Variants in PPM1H observed in about 807,000 individuals in gnomAD.
The protein encoded by PPM1H is protein phosphatase 1H.
A neutral mutation model predicts 54.9 loss-of-function variants in PPM1H; 27 were observed. The ratio of observed to expected loss-of-function variants is 0.49; its 90% confidence interval spans 0.36 to 0.68. The LOEUF is 0.68. Ranked by LOEUF, PPM1H falls within the 30% of genes least tolerant of loss-of-function variation. The probability of loss-of-function intolerance (pLI) is 0.00; values close to 1 mark genes in which losing one functional copy is unlikely to be tolerated. For missense variants in PPM1H, 596 were observed against 667.8 expected (o/e 0.89, Z 1.19); for synonymous variants, 305 against 270.8 (o/e 1.13, Z -1.24).
intron 3 of PPM1H, among the ~76,000 whole-genome samples, chr12:62,798,389 G>A (rs750941237): frequency 3.9e-5 from 6 of 152,274 alleles, no homozygotes; most frequent in South Asian, 2.1e-4. Flanking sequence ...ATCTGCTTAG[G>A]AACAAAAGGA....
chr12:62,903,654 C>T (rs771807596), intron 1 of PPM1H, among the ~76,000 whole-genome samples: 8 of 151,846 alleles, frequency 5.3e-5, no homozygotes, highest in South Asian at 2.1e-4. Context: ...ACATAAGACA[C>T]GAATAATCAA....
chr12:62,846,505 A>AG (rs1868974248), intron 1 of PPM1H, among the ~76,000 whole-genome samples: 1 of 151,358 alleles, frequency 6.6e-6, no homozygotes, highest in African/African-American at 2.4e-5. Context: ...GCCTCAAAAA[A>AG]AAAAAAATTT....
At position 62,839,890 on chromosome 12, in the gene PPM1H, A is replaced by C. The variant is rs547091126; in HGVS notation, c.246-7611T>G. On this transcript the variant is annotated intron_variant, in intron 1 of 9. Transcript: ENST00000228705. Reference sequence around the variant, plus strand: ...CTGTTTCTACAAAAAAAAAAAAAAAACACCCAGTGTGGTGGCACGTGCCTA... The same window carrying C: ...CTGTTTCTACAAAAAAAAAAAAAAACCACCCAGTGTGGTGGCACGTGCCTA... 5.1e-3 allele frequency among the ~76,000 whole-genome samples: 717 copies of C among 141,196 alleles called. 6 individuals carry two copies. Among genetic ancestry groups the C allele is most frequent in the Middle Eastern group, 0.016 (4 of 256 alleles). The allele number at this position is 141,196 out of a possible 152,430, so 92.6% of individuals were successfully genotyped here. A position where few individuals can be genotyped will look rare whatever the true frequency, so the allele number is the denominator to read the frequency against.
chr12:62,904,241 A>AT (rs888648209), intron 1 of PPM1H, among the ~76,000 whole-genome samples: 17 of 148,924 alleles, frequency 1.1e-4, no homozygotes, highest in Middle Eastern at 3.4e-3. Context: ...TTCTTCATAA[A>AT]TTTTTTTTTT....
intron 4 of PPM1H, among the ~76,000 whole-genome samples, chr12:62,776,871 C>T (rs1260905763): frequency 6.6e-6 from 1 of 152,198 alleles, no homozygotes; most frequent in Non-Finnish European, 1.5e-5. Context: ...TCAGTTAACT[C>T]CTTGAAGCAA....
At chr12:62,903,493 T>A (rs562839266) in intron 1 of PPM1H, among the ~76,000 whole-genome samples, 46 of 152,330 alleles carry the variant, frequency 3.0e-4, no homozygotes, top group African/African-American at 9.9e-4. Context: ...ATAACAATGA[T>A]GAATAAAATT....
chr12:62,927,617 G>A lies in PPM1H; in HGVS notation c.245+6875C>T, dbSNP rs536886702. Among the ~76,000 whole-genome samples the A allele has an allele frequency of 3.6e-3, 540 of 149,884 alleles. 3 individuals carry two copies. Among genetic ancestry groups the A allele is most frequent in the Non-Finnish European group, 5.6e-3 (380 of 67,608 alleles). On this transcript the variant is annotated intron_variant, in intron 1 of 9. Coordinates refer to ENST00000228705, the MANE Select transcript of PPM1H (RefSeq NM_020700.2). ...GCAGAGGTTGCAGTAAGCCGAGATC[G>A]TACCACTGCACTCCAGCCTGGGCAA...
intron 1 of PPM1H, among the ~76,000 whole-genome samples, chr12:62,913,148 A>G (rs940975285): frequency 1.3e-5 from 2 of 152,188 alleles, no homozygotes; most frequent in African/African-American, 4.8e-5. Context: ...GTTAATGAAG[A>G]TGGGGAAGAA....
At chr12:62,838,812 T>A (rs937626616) in intron 1 of PPM1H, among the ~76,000 whole-genome samples, 1 of 124,724 alleles carries the variant, frequency 8.0e-6, no homozygotes, top group African/African-American at 3.5e-5. Flanking sequence ...TCCCAGCTAC[T>A]CGGGAGGCTG....
chr12:62,754,120 G>A (rs1221301707), intron 4 of PPM1H, among the ~76,000 whole-genome samples: 1 of 152,214 alleles, frequency 6.6e-6, no homozygotes, highest in Non-Finnish European at 1.5e-5. Context: ...CAAAAATGAG[G>A]CTGTCACAGT....
chr12:62,787,844 A>C (rs1056419660), intron 4 of PPM1H, among the ~76,000 whole-genome samples: 2 of 152,178 alleles, frequency 1.3e-5, no homozygotes, highest in African/African-American at 4.8e-5. Flanking sequence ...GTGCAAAGTC[A>C]CTAAGTAAAA....
rs1320034644 is a variant in PPM1H, at chr12:62,820,840, C to A, written c.411+11274G>T. The stretch of plus-strand genomic sequence containing the variant: ...AACCAGAGCAGAAAAGCTGAAAATT[C>A]TAAAAACCAGAGCACCTCTTCTCCT... On this transcript the variant is annotated intron_variant, in intron 2 of 9. Transcript: ENST00000228705. Among the ~76,000 whole-genome samples, 3 of 152,160 alleles carry A rather than the reference C, an allele frequency of 2.0e-5. No homozygotes were observed. The South Asian group carries it at 6.2e-4, about 32-fold the overall frequency.
intron 9 of PPM1H, among the ~76,000 whole-genome samples, chr12:62,666,497 C>T (rs949472242): frequency 3.9e-5 from 6 of 152,162 alleles, no homozygotes; most frequent in Non-Finnish European, 8.8e-5. Flanking sequence ...TCAAAAGAAA[C>T]AATTCTCCAA....
chr12:62,649,264 A>C (rs2075803552), intron 9 of PPM1H, among the ~76,000 whole-genome samples: 1 of 151,130 alleles, frequency 6.6e-6, no homozygotes, highest in Admixed American at 6.6e-5. Context: ...GGTGTGAGTG[A>C]GCTGCTTACT....
chr12:62,906,292 A>G (rs1170299231), intron 1 of PPM1H, among the ~76,000 whole-genome samples: 2 of 152,236 alleles, frequency 1.3e-5, no homozygotes, highest in Non-Finnish European at 1.5e-5. Flanking sequence ...AGACAAGTTT[A>G]AGAACAACAA....
intron 1 of PPM1H, among the ~76,000 whole-genome samples, chr12:62,886,850 G>A (rs1034702527): frequency 6.6e-6 from 1 of 152,206 alleles, no homozygotes; most frequent in East Asian, 1.9e-4. Flanking sequence ...GAAACAAAGG[G>A]TTTGCCACTG....
rs776870227 is a variant in PPM1H, at chr12:62,832,128, G to C, written c.397C>G (p.Leu133Val). The change falls in exon 2 of 10, where the codon CTG (leucine) becomes GTG (valine). Residue 133 changes from leucine (L) to valine (V), a missense_variant. Around this residue, in one of 3 missense-constraint regions of PPM1H, gnomAD observed 382 missense variants for 387.1 expected, o/e 0.99. Coordinates refer to ENST00000228705, the MANE Select transcript of PPM1H (RefSeq NM_020700.2). ...AAGGGTCTTACCGAGTTCTCCTTCAGCTGCAGCCCTTCCCCATTGGGAAGG... is the reference window on the plus strand; with the variant it reads ...AAGGGTCTTACCGAGTTCTCCTTCACCTGCAGCCCTTCCCCATTGGGAAGG... ...SSLPNGEGLQLKENSESEGVS... is the reference protein window; with the variant it reads ...SSLPNGEGLQVKENSESEGVS... 6 of 1,613,686 alleles carry C rather than the reference G, an allele frequency of 3.7e-6. No individual in the cohort carries two copies. The highest frequency in any genetic ancestry group is 3.3e-5 in the Admixed American group (2 of 59,984).
At chr12:62,921,175 C>T (rs371206865) in intron 1 of PPM1H, among the ~76,000 whole-genome samples, 5 of 152,010 alleles carry the variant, frequency 3.3e-5, no homozygotes, top group East Asian at 1.9e-4. Context: ...TCCACCCGCC[C>T]GCCTCGGCCT....
At chr12:62,919,131 G>T (rs1449248163) in intron 1 of PPM1H, among the ~76,000 whole-genome samples, 1 of 152,222 alleles carries the variant, frequency 6.6e-6, no homozygotes, top group Non-Finnish European at 1.5e-5. Flanking sequence ...CAGCTGACAT[G>T]CATTGTGCCT....
Sources: allele counts gnomAD v4.1 joint callset (sites outside exome capture counted in the v4.1 genomes callset), GRCh38; gene constraint gnomAD v4.1.1; regional missense constraint gnomAD v4.1.1; transcripts MANE v1.5; gene names NCBI Gene and HGNC (gene_info 2026-07-23, HGNC 2026-07-21).